Variants in ABCA13 observed in about 807,000 individuals in gnomAD.
ABCA13 encodes the protein ATP-binding cassette sub-family A member 13.
ABCA13 carries 476 observed loss-of-function variants against 478.7 expected under a neutral mutation model. The observed-to-expected ratio is 0.99, with a 90% CI of 0.92 to 1.07. The LOEUF (loss-of-function observed/expected upper bound fraction) is 1.07. Among genes scored for constraint, ABCA13 ranks in the 50% least tolerant of loss-of-function variants. The pLI, the probability that ABCA13 is intolerant of heterozygous loss-of-function variation, is 0.00. For missense variants in ABCA13, 6,060 were observed against 5,910.6 expected (o/e 1.03, Z -0.83); for synonymous variants, 2,252 against 2,158.9 (o/e 1.04, Z -1.20).
chr7:48,580,254 G>A lies in ABCA13; in HGVS notation c.14385G>A (p.Thr4795=), dbSNP rs773638335. 20 of 1,610,744 alleles carry A rather than the reference G, an allele frequency of 1.2e-5. No homozygotes were observed. The highest frequency in any genetic ancestry group is 7.7e-5 in the South Asian group (7 of 90,480). ...CCGTGGACCTGTCTTCTGCTGGCAC[G>A]GCAGGCGTGCTCATTGGCTACTGTC... ...GDAVDLSSAG[T]AGVLIGYCPQ... The change falls in exon 56 of 62, where the codon ACG becomes ACA. Residue 4795 remains threonine (T), a synonymous_variant. Transcript: ENST00000435803.
In ABCA13 at chr7:48,206,442, A is replaced by G. The variant is rs554713107; in HGVS notation, c.287+8082A>G. Among the ~76,000 whole-genome samples, 12 of 152,304 alleles carry G rather than the reference A, an allele frequency of 7.9e-5. No individual in the cohort carries two copies. The South Asian group carries it at 2.5e-3, about 32-fold the overall frequency. On this transcript the variant is annotated intron_variant, in intron 3 of 61. Coordinates refer to ENST00000435803, the MANE Select transcript of ABCA13 (RefSeq NM_152701.5). ...TAGGCTCCACCATCTAGGTTTGTGT[A>G]AGCATGTTCTGTGGTGTTCACACAT...
intron 42 of ABCA13, among the ~76,000 whole-genome samples, chr7:48,436,145 A>G (rs959097836): frequency 5.3e-5 from 8 of 151,616 alleles, no homozygotes; most frequent in African/African-American, 1.9e-4. Flanking sequence ...AAGACATCTG[A>G]GCTTTATTTT....
intron 59 of ABCA13, among the ~76,000 whole-genome samples, chr7:48,629,692 G>T (rs1457801441): frequency 2.0e-5 from 3 of 149,046 alleles, no homozygotes; most frequent in South Asian, 2.2e-4. Context: ...GGCTGGATTT[G>T]TGCACCTGTC....
At chr7:48,371,392 A>G (rs570989672) in intron 32 of ABCA13, among the ~76,000 whole-genome samples, 1 of 152,268 alleles carries the variant, frequency 6.6e-6, no homozygotes, top group Admixed American at 6.5e-5. Context: ...TTTTCATGAT[A>G]TTGATTCTTC....
At position 48,288,085 on chromosome 7, in the gene ABCA13, C is replaced by A; in HGVS notation, c.8955+7C>A. The A allele has an allele frequency of 6.2e-7, 1 of 1,609,224 alleles. No individual in the cohort carries two copies. Among genetic ancestry groups the A allele is most frequent in the Non-Finnish European group, 8.5e-7 (1 of 1,175,722 alleles). On this transcript the variant is annotated splice_region_variant and intron_variant, in intron 20 of 61. Transcript: ENST00000435803. ...GGCGCAGGACCACTTCCAGGTTTGT[C>A]GTCTTTAATATTTCAGAGAATTTCA...
At chr7:48,360,148 G>A (rs758928888) in intron 31 of ABCA13, among the ~76,000 whole-genome samples, 11 of 151,266 alleles carry the variant, frequency 7.3e-5, no homozygotes, top group African/African-American at 2.0e-4. Flanking sequence ...CCATTAACTC[G>A]TCATTTACAT....
intron 55 of ABCA13, among the ~76,000 whole-genome samples, chr7:48,573,366 T>C (rs968845604): frequency 6.6e-6 from 1 of 152,028 alleles, no homozygotes; most frequent in African/African-American, 2.4e-5. Flanking sequence ...TTTTAAGTGG[T>C]ATTCCTGGTG....
At chr7:48,288,999 T>G (rs1798142211) in intron 20 of ABCA13, among the ~76,000 whole-genome samples, 1 of 152,154 alleles carries the variant, frequency 6.6e-6, no homozygotes, top group Non-Finnish European at 1.5e-5. Context: ...GTTTCTTGCT[T>G]TTGTGATCCA....
intron 27 of ABCA13, among the ~76,000 whole-genome samples, chr7:48,318,997 A>G (rs1319652158): frequency 2.0e-5 from 3 of 152,182 alleles, no homozygotes; most frequent in South Asian, 2.1e-4. Flanking sequence ...ATAGCTGAAG[A>G]AATAAGTTAG....
At chr7:48,511,626 T>C (rs1831692416) in intron 51 of ABCA13, among the ~76,000 whole-genome samples, 1 of 152,238 alleles carries the variant, frequency 6.6e-6, no homozygotes, top group African/African-American at 2.4e-5. Context: ...TTTTGTCTAA[T>C]TTCTATCACT....
At chr7:48,368,826 A>T (rs1812185617) in intron 32 of ABCA13, among the ~76,000 whole-genome samples, 1 of 150,824 alleles carries the variant, frequency 6.6e-6, no homozygotes, top group Non-Finnish European at 1.5e-5. Context: ...TCATTGATTG[A>T]TGGGCATCTG....
At chr7:48,455,713 C>T (rs1260775183) in intron 43 of ABCA13, among the ~76,000 whole-genome samples, 1 of 152,232 alleles carries the variant, frequency 6.6e-6, no homozygotes, top group Non-Finnish European at 1.5e-5. Context: ...GACAACAGCC[C>T]CACAGTTGCA....
chr7:48,462,443 T>C (rs1279704584), intron 43 of ABCA13, among the ~76,000 whole-genome samples: 1 of 148,280 alleles, frequency 6.7e-6, no homozygotes, highest in African/African-American at 2.5e-5. Flanking sequence ...AGTAAAGGAT[T>C]CCCCCCCCCC....
chr7:48,599,897 G>A (rs2131471256), intron 58 of ABCA13, among the ~76,000 whole-genome samples: 1 of 142,664 alleles, frequency 7.0e-6, no homozygotes, highest in African/African-American at 2.7e-5. Context: ...TTCTGTAGTA[G>A]TTGGATGGAA....
intron 23 of ABCA13, among the ~76,000 whole-genome samples, chr7:48,305,534 C>A (rs927510227): frequency 1.3e-5 from 2 of 152,190 alleles, no homozygotes; most frequent in African/African-American, 4.8e-5. Flanking sequence ...ATCTCCAGTT[C>A]CCTTGAATCA....
chr7:48,519,319 A>G (rs1832363308), intron 52 of ABCA13, among the ~76,000 whole-genome samples: 1 of 152,224 alleles, frequency 6.6e-6, no homozygotes, highest in South Asian at 2.1e-4. Context: ...GTTTATACCC[A>G]GTAATGAGAT....
chr7:48,189,307 A>T (rs1796779583), intron 1 of ABCA13, among the ~76,000 whole-genome samples: 1 of 152,194 alleles, frequency 6.6e-6, no homozygotes. Context: ...TAAAAATGTG[A>T]TGAGAAAGGG....
At chr7:48,477,454 A>G (rs12539109) in intron 45 of ABCA13, among the ~76,000 whole-genome samples, 6,013 of 152,002 alleles carry the variant, frequency 0.04, 159 homozygotes, top group Admixed American at 0.077. Flanking sequence ...TGTTTATTGC[A>G]GCACTATTCA....
intron 42 of ABCA13, among the ~76,000 whole-genome samples, chr7:48,441,502 T>A (rs12535354): frequency 0.16 from 24,548 of 152,134 alleles, 2,037 homozygotes; most frequent in East Asian, 0.26. Context: ...GAGGGATTGA[T>A]GAAGACAAAA....
Sources: gnomAD v4.1 joint callset for allele counts (sites outside exome capture counted in the v4.1 genomes callset) on GRCh38, gnomAD v4.1.1 for gene constraint, MANE v1.5 for transcripts, NCBI Gene and HGNC (gene_info 2026-07-23, HGNC 2026-07-21) for gene names.